The following DYNC1I1 variants were observed in gnomAD, a reference collection of about 807,000 sequenced individuals.
DYNC1I1 encodes cytoplasmic dynein 1 intermediate chain 1.
A neutral mutation model predicts 86.6 loss-of-function variants in DYNC1I1; 43 were observed. The observed-to-expected ratio is 0.50, with a 90% CI of 0.39 to 0.64. The LOEUF is 0.64. DYNC1I1 is among the 30% of genes least tolerant of loss of function. The pLI, the probability that DYNC1I1 is intolerant of heterozygous loss-of-function variation, is 0.00. For synonymous variants in DYNC1I1, 262 were observed against 283.7 expected (o/e 0.92, Z 0.77); for missense variants, 604 against 788.8 (o/e 0.77, Z 2.81).
chr7:95,832,012 C>T (rs1230536156), intron 5 of DYNC1I1, among the ~76,000 whole-genome samples: 2 of 150,744 alleles, frequency 1.3e-5, no homozygotes, highest in African/African-American at 4.9e-5. Context: ...TACATGTGCA[C>T]ATTGTGCAGG....
At chr7:95,836,281 T>C (rs1057341615) in intron 5 of DYNC1I1, among the ~76,000 whole-genome samples, 1 of 152,064 alleles carries the variant, frequency 6.6e-6, no homozygotes, top group African/African-American at 2.4e-5. Flanking sequence ...TCTTTAAGAA[T>C]GTTGAATATT....
chr7:96,035,767 T>G lies in DYNC1I1; in HGVS notation c.1364+15T>G, dbSNP rs1314961679. The G allele has an allele frequency of 6.2e-7, 1 of 1,610,212 alleles. No homozygotes were observed. Among genetic ancestry groups the G allele is most frequent in the South Asian group, 1.1e-5 (1 of 90,164 alleles). ...CGTCATGGAAGGTGATTTTTCTGTT[T>G]CTTTACTGATGACATGTTCTTCATT... On this transcript the variant is annotated intron_variant, in intron 13 of 16. Coordinates refer to ENST00000447467, the MANE Select transcript of DYNC1I1 (RefSeq NM_001135556.2).
intron 6 of DYNC1I1, among the ~76,000 whole-genome samples, chr7:95,907,700 T>C (rs1791211867): frequency 6.6e-6 from 1 of 152,026 alleles, no homozygotes; most frequent in African/African-American, 2.4e-5. Context: ...ACCAGGACTG[T>C]ATCGGTTCAT....
intron 4 of DYNC1I1, chr7:95,818,775 G>A (rs1306761851): frequency 2.6e-6 from 1 of 378,212 alleles, no homozygotes; most frequent in Non-Finnish European, 4.7e-6. Context: ...GCACCTTAGT[G>A]CTTATTCTTT....
intron 11 of DYNC1I1, among the ~76,000 whole-genome samples, chr7:96,030,568 C>T (rs2214097): frequency 0.24 from 35,672 of 151,786 alleles, 4,575 homozygotes; most frequent in South Asian, 0.37. Context: ...TCTGCTGGAC[C>T]TTTCTGAGTC....
chr7:95,864,094 G>A (rs1370145076), intron 5 of DYNC1I1, among the ~76,000 whole-genome samples: 6 of 152,102 alleles, frequency 3.9e-5, no homozygotes, highest in Non-Finnish European at 7.4e-5. Context: ...AGTAGCTATC[G>A]TAGATCATCC....
chr7:95,775,979 C>T (rs943833111), intron 1 of DYNC1I1, among the ~76,000 whole-genome samples: 1 of 152,164 alleles, frequency 6.6e-6, no homozygotes, highest in Non-Finnish European at 1.5e-5. Context: ...GGCACAGTAG[C>T]TTACACCTGT....
At chr7:95,791,351 A>G (rs1325945937) in intron 1 of DYNC1I1, among the ~76,000 whole-genome samples, 1 of 152,248 alleles carries the variant, frequency 6.6e-6, no homozygotes, top group Non-Finnish European at 1.5e-5. Flanking sequence ...TTTGTTGCAC[A>G]GAGAATCTGG....
At chr7:95,973,128 A>G (rs943896908) in intron 6 of DYNC1I1, among the ~76,000 whole-genome samples, 2 of 152,232 alleles carry the variant, frequency 1.3e-5, no homozygotes, top group Non-Finnish European at 1.5e-5. Flanking sequence ...CACAACTCAT[A>G]TATCAGTAGT....
intron 16 of DYNC1I1, among the ~76,000 whole-genome samples, chr7:96,107,518 A>T (rs1205529363): frequency 6.6e-6 from 1 of 150,530 alleles, no homozygotes; most frequent in Admixed American, 6.6e-5. Context: ...TTATCTGGGG[A>T]TATCGTAATT....
intron 14 of DYNC1I1, among the ~76,000 whole-genome samples, chr7:96,071,810 C>A (rs1790169283): frequency 6.6e-6 from 1 of 152,140 alleles, no homozygotes; most frequent in Non-Finnish European, 1.5e-5. Context: ...CTACAAGTTA[C>A]ATAGTATGTG....
rs117008794 is a variant in DYNC1I1, at chr7:96,064,691, G to T, written c.1510-11366G>T. On this transcript the variant is annotated intron_variant, in intron 14 of 16. Transcript: ENST00000447467. ...TTGAGAGAGTAGAGGTTTGGTCCTG[G>T]GGAGTCTAGGAAAGCCCAAGCCCAG... Among the ~76,000 whole-genome samples, 312 of 152,228 alleles carry T rather than the reference G, an allele frequency of 2.0e-3. 7 individuals are homozygous for T. The East Asian group carries it at 0.051, about 25-fold the overall frequency.
intron 6 of DYNC1I1, among the ~76,000 whole-genome samples, chr7:95,959,978 T>C (rs2116505309): frequency 6.6e-6 from 1 of 152,282 alleles, no homozygotes; most frequent in Non-Finnish European, 1.5e-5. Context: ...AAATATAGAT[T>C]CCCCTAAGCG....
intron 1 of DYNC1I1, among the ~76,000 whole-genome samples, chr7:95,775,524 A>G (rs1038476): frequency 0.023 from 3,451 of 152,298 alleles, 165 homozygotes; most frequent in East Asian, 0.12. Context: ...GTATGTCTGT[A>G]TCTTTCAGGT....
chr7:95,912,873 G>A (rs1791374704), intron 6 of DYNC1I1, among the ~76,000 whole-genome samples: 1 of 152,146 alleles, frequency 6.6e-6, no homozygotes, highest in African/African-American at 2.4e-5. Flanking sequence ...GACCAAGATG[G>A]ACTTCCTGTA....
Position 96,098,284 on chromosome 7 carries a change from A to C in DYNC1I1, c.*691A>C. ...CTTGCAGTGAACGAAATGAATTTTA[A>C]TGCCTATTATTTCTGGGTACTTTAA... On this transcript the variant is annotated 3_prime_UTR_variant, in exon 17 of 17. Transcript: ENST00000447467. The C allele has an allele frequency of 2.0e-6, 2 of 985,876 alleles. No homozygotes were observed. Among genetic ancestry groups the C allele is most frequent in the Non-Finnish European group, 2.4e-6 (2 of 829,932 alleles). The allele number at this position is 985,876 out of a possible 1,614,324, so 61.1% of individuals were successfully genotyped here.
rs984073740 is a variant in DYNC1I1 at position 95,995,976 on chromosome 7, A to G, written c.872A>G (p.Asn291Ser). ...QYPELMVASY[N>S]NNEDAPHEPD... ...CCTGAGCTGATGGTGGCTTCTTACAACAACAATGAAGATGCTCCCCATGAA... is the reference window on the plus strand; with the variant it reads ...CCTGAGCTGATGGTGGCTTCTTACAGCAACAATGAAGATGCTCCCCATGAA... The change falls in exon 10 of 17, where the codon AAC (asparagine) becomes AGC (serine). Residue 291 changes from asparagine (N) to serine (S), a missense_variant. Transcript: ENST00000447467. 1.2e-6 allele frequency: 2 copies of G among 1,609,134 alleles called. No homozygotes were observed. The highest frequency in any genetic ancestry group is 1.7e-6 in the Non-Finnish European group (2 of 1,178,454).
At chr7:95,905,752 A>G (rs1367341860) in intron 6 of DYNC1I1, among the ~76,000 whole-genome samples, 1 of 151,530 alleles carries the variant, frequency 6.6e-6, no homozygotes, top group Non-Finnish European at 1.5e-5. Context: ...CACTGTGAGC[A>G]GATTAAAATT....
chr7:95,872,391 G>A (rs968822943), intron 6 of DYNC1I1, among the ~76,000 whole-genome samples: 8 of 152,140 alleles, frequency 5.3e-5, no homozygotes, highest in African/African-American at 1.9e-4. Flanking sequence ...TTTGACTGTG[G>A]ACAGTTTAAT....
Sources: gnomAD v4.1 joint callset for allele counts (sites outside exome capture counted in the v4.1 genomes callset) on GRCh38, gnomAD v4.1.1 for gene constraint, MANE v1.5 for transcripts, NCBI Gene and HGNC (gene_info 2026-07-23, HGNC 2026-07-21) for gene names.